STRBP: variants seen among roughly 807,000 people sequenced by gnomAD.
STRBP encodes the protein spermatid perinuclear RNA-binding protein.
In STRBP, 13 loss-of-function variants were observed where a neutral mutation model predicts 80.1. The ratio of observed to expected loss-of-function variants is 0.16; its 90% CI spans 0.11 to 0.26. STRBP has a LOEUF of 0.26. STRBP is among the 10% of genes least tolerant of loss of function. The pLI is 1.00. For missense variants in STRBP, 485 were observed against 815.2 expected (o/e 0.59, Z 4.93); for synonymous variants, 284 against 291.2 (o/e 0.98, Z 0.25).
chr9:123,232,831 T>C (rs1348973290), intron 2 of STRBP, among the ~76,000 whole-genome samples: 3 of 152,236 alleles, frequency 2.0e-5, no homozygotes, highest in Non-Finnish European at 4.4e-5. Flanking sequence ...CCTCAGGTTC[T>C]GTAAGGAAGA....
At chr9:123,234,648 G>C (rs1346805028) in intron 2 of STRBP, among the ~76,000 whole-genome samples, 1 of 152,080 alleles carries the variant, frequency 6.6e-6, no homozygotes, top group Non-Finnish European at 1.5e-5. Context: ...AAAGTGCCTA[G>C]TCTCAGCATA....
intron 2 of STRBP, among the ~76,000 whole-genome samples, chr9:123,232,291 A>T (rs2040420461): frequency 6.6e-6 from 1 of 152,174 alleles, no homozygotes; most frequent in Admixed American, 6.5e-5. Context: ...AGCCTGGGTG[A>T]CAGAGTAAGA....
intron 6 of STRBP, among the ~76,000 whole-genome samples, chr9:123,165,893 G>A (rs971550307): frequency 3.9e-5 from 6 of 152,168 alleles, no homozygotes; most frequent in Admixed American, 3.9e-4. Context: ...TTATCACATG[G>A]TAGGTTATAA....
intron 16 of STRBP, among the ~76,000 whole-genome samples, chr9:123,133,392 A>G (rs74991513): frequency 0.018 from 2,677 of 152,198 alleles, 89 homozygotes; most frequent in African/African-American, 0.061. Context: ...TAGTGGGGGG[A>G]AAACATAAAG....
intron 2 of STRBP, among the ~76,000 whole-genome samples, chr9:123,217,215 A>C (rs2039927111): frequency 6.6e-6 from 1 of 152,162 alleles, no homozygotes; most frequent in South Asian, 2.1e-4. Context: ...GTAAAAATTT[A>C]AGTCACTGTT....
chr9:123,231,307 G>A (rs2040392243), intron 2 of STRBP, among the ~76,000 whole-genome samples: 1 of 152,268 alleles, frequency 6.6e-6, no homozygotes, highest in East Asian at 1.9e-4. Context: ...TCTCCATCTG[G>A]AGGGTTGACT....
chr9:123,184,073 A>G, intron 3 of STRBP, 59 bp downstream of exon 3: 4 of 1,553,312 alleles, frequency 2.6e-6, no homozygotes, highest in Non-Finnish European at 2.6e-6. Flanking sequence ...TAACATTTCT[A>G]ATTTTAAATT....
intron 2 of STRBP, among the ~76,000 whole-genome samples, chr9:123,192,822 G>A (rs115875177): frequency 2.6e-3 from 395 of 152,200 alleles, no homozygotes; most frequent in African/African-American, 8.4e-3. Context: ...GAGAACATCA[G>A]ACTCCTCTTC....
intron 2 of STRBP, among the ~76,000 whole-genome samples, chr9:123,216,442 T>A (rs566080643): frequency 6.6e-6 from 1 of 152,348 alleles, no homozygotes; most frequent in African/African-American, 2.4e-5. Flanking sequence ...TACGTGCAAC[T>A]CCTCATCATT....
chr9:123,239,394 G>A (rs558563932), intron 1 of STRBP, among the ~76,000 whole-genome samples: 2 of 152,108 alleles, frequency 1.3e-5, no homozygotes, highest in Admixed American at 1.3e-4. Flanking sequence ...AAAAAAAATG[G>A]AATGCCTATC....
chr9:123,157,439 T>C (rs1251370759), intron 11 of STRBP, among the ~76,000 whole-genome samples: 1 of 152,178 alleles, frequency 6.6e-6, no homozygotes, highest in African/African-American at 2.4e-5. Flanking sequence ...AAAACATGAT[T>C]ATGTTACATT....
chr9:123,187,721 G>A (rs1184483866), intron 2 of STRBP, among the ~76,000 whole-genome samples: 3 of 152,050 alleles, frequency 2.0e-5, no homozygotes, highest in Admixed American at 6.6e-5. Context: ...TGAGTGGAAA[G>A]TGGAAAGAAC....
At chr9:123,210,015 T>C (rs935453100) in intron 2 of STRBP, among the ~76,000 whole-genome samples, 83 of 152,202 alleles carry the variant, frequency 5.5e-4, no homozygotes, top group African/African-American at 1.9e-3. Flanking sequence ...CAAATGTGAA[T>C]CTAGCTTTTA....
At chr9:123,150,004 T>C (rs1451933964) in intron 11 of STRBP, among the ~76,000 whole-genome samples, 2 of 152,218 alleles carry the variant, frequency 1.3e-5, no homozygotes, top group Admixed American at 6.5e-5. Flanking sequence ...GGACAATTTA[T>C]ATGTCGTGCT....
At position 123,126,465 on chromosome 9, in the gene STRBP, A is replaced by C. The variant is rs1047048623; in HGVS notation, c.1943-792T>G. ...CTTTTATGTGAAAAATGGGGGCATC[A>C]AATTTCACCAGCTTTGGAAGTCAGT... is the stretch of plus-strand genomic sequence containing the variant. On this transcript the variant is annotated intron_variant, in intron 18 of 18. Transcript: ENST00000348403. This position sits in a 1 kb window ranked among gnomAD's most constrained non-coding sequence, Gnocchi z 4.4. Among the ~76,000 whole-genome samples, 7 of 152,202 alleles carry C rather than the reference A, an allele frequency of 4.6e-5. No individual in the cohort carries two copies. The highest frequency in any genetic ancestry group is 8.8e-5 in the Non-Finnish European group (6 of 68,038).
At chr9:123,205,908 C>A (rs906068394) in intron 2 of STRBP, among the ~76,000 whole-genome samples, 1 of 152,084 alleles carries the variant, frequency 6.6e-6, no homozygotes, top group Non-Finnish European at 1.5e-5. Flanking sequence ...TGACGTAAAT[C>A]ACAAGATTAG....
At chr9:123,198,380 C>T (rs1221556595) in intron 2 of STRBP, among the ~76,000 whole-genome samples, 2 of 152,004 alleles carry the variant, frequency 1.3e-5, no homozygotes, top group South Asian at 2.1e-4. Flanking sequence ...TCAGGTGATC[C>T]ACCCACCTCA....
chr9:123,139,484 A>G, intron 14 of STRBP, 45 bp downstream of exon 14: 3 of 1,450,084 alleles, frequency 2.1e-6, no homozygotes, highest in Non-Finnish European at 2.7e-6. Context: ...ATTTCCTACA[A>G]TGCACATATA....
chr9:123,256,589 A>G (rs1478753199), intron 1 of STRBP, among the ~76,000 whole-genome samples: 2 of 152,216 alleles, frequency 1.3e-5, no homozygotes, highest in Non-Finnish European at 2.9e-5. Flanking sequence ...CTATATATAT[A>G]TGTAAGAAAA....
Sources: gnomAD v4.1 joint callset for allele counts (sites outside exome capture counted in the v4.1 genomes callset) on GRCh38, gnomAD v4.1.1 for gene constraint, Gnocchi (gnomAD v3.1) non-coding constraint, MANE v1.5 for transcripts, NCBI Gene and HGNC (gene_info 2026-07-23, HGNC 2026-07-21) for gene names.